Variants in LCLAT1 observed in about 807,000 individuals in gnomAD.
The protein encoded by LCLAT1 is 1-AGP acyltransferase 8.
In LCLAT1, 11 loss-of-function variants were observed where a neutral mutation model predicts 30.7. That is an observed-to-expected ratio of 0.36 (90% confidence interval 0.23 to 0.59). The LOEUF (loss-of-function observed/expected upper bound fraction) is 0.59, where lower values mean the gene tolerates loss of function less well. LCLAT1 is among the 20% of genes least tolerant of loss of function. The pLI is 0.77. For missense variants in LCLAT1, 402 were observed against 458.6 expected, an observed-to-expected ratio of 0.88 and a Z score of 1.13; for synonymous variants, 155 against 151.3, an observed-to-expected ratio of 1.02 and a Z score of -0.18.
intron 3 of LCLAT1, among the ~76,000 whole-genome samples, chr2:30,536,539 A>G (rs531180453): frequency 2.6e-5 from 4 of 152,380 alleles, no homozygotes; most frequent in South Asian, 2.1e-4. Context: ...TGGCAATGCT[A>G]TTCTTTAGAA....
chr2:30,578,748 C>A (rs1415600798), intron 5 of LCLAT1, among the ~76,000 whole-genome samples: 1 of 152,146 alleles, frequency 6.6e-6, no homozygotes, highest in African/African-American at 2.4e-5. Context: ...GAACTTCATA[C>A]TGTTCCTTAT....
At chr2:30,487,371 C>T (rs940703511) in intron 1 of LCLAT1, among the ~76,000 whole-genome samples, 2 of 152,092 alleles carry the variant, frequency 1.3e-5, no homozygotes, top group Non-Finnish European at 2.9e-5. Context: ...ATAGAAAATC[C>T]GTAATTTAAT....
intron 1 of LCLAT1, among the ~76,000 whole-genome samples, chr2:30,460,061 T>C (rs887889973): frequency 6.6e-6 from 1 of 152,232 alleles, no homozygotes; most frequent in African/African-American, 2.4e-5. Context: ...TTGGAGGTTA[T>C]CCCTTACACT....
At chr2:30,511,154 G>A (rs962999053) in intron 1 of LCLAT1, among the ~76,000 whole-genome samples, 2 of 152,118 alleles carry the variant, frequency 1.3e-5, no homozygotes, top group African/African-American at 4.8e-5. Flanking sequence ...ACGTAGGTGA[G>A]GCTTGTGAAC....
chr2:30,467,425 T>A (rs1230845442), intron 1 of LCLAT1, among the ~76,000 whole-genome samples: 1 of 152,266 alleles, frequency 6.6e-6, no homozygotes, highest in East Asian at 1.9e-4. Context: ...TATAGCAGCA[T>A]GATTTATAAT....
intron 3 of LCLAT1, among the ~76,000 whole-genome samples, chr2:30,535,176 A>G (rs1036029548): frequency 7.2e-5 from 11 of 152,184 alleles, no homozygotes; most frequent in Non-Finnish European, 1.2e-4. Context: ...AAAAAAAGTT[A>G]TGAAATCAAG....
At chr2:30,559,859 G>A (rs1665109212) in intron 3 of LCLAT1, among the ~76,000 whole-genome samples, 1 of 152,190 alleles carries the variant, frequency 6.6e-6, no homozygotes, top group Non-Finnish European at 1.5e-5. Context: ...AATCCTTGAT[G>A]TAATATTCTT....
intron 1 of LCLAT1, among the ~76,000 whole-genome samples, chr2:30,470,468 T>C (rs1682720235): frequency 6.6e-6 from 1 of 152,230 alleles, no homozygotes. Context: ...GGGTTAGTTT[T>C]GGGAAAGGAC....
intron 1 of LCLAT1, among the ~76,000 whole-genome samples, chr2:30,454,437 G>GT (rs1349623155): frequency 6.6e-6 from 1 of 151,824 alleles, no homozygotes; most frequent in South Asian, 2.1e-4. Flanking sequence ...TTAAACTTAG[G>GT]TTTTTTTATT....
At chr2:30,471,419 A>G (rs1682783019) in intron 1 of LCLAT1, among the ~76,000 whole-genome samples, 1 of 151,634 alleles carries the variant, frequency 6.6e-6, no homozygotes, top group Non-Finnish European at 1.5e-5. Context: ...CATGTTGCCC[A>G]GGCTGGTCTT....
At chr2:30,488,324 C>A (rs1683659604) in intron 1 of LCLAT1, among the ~76,000 whole-genome samples, 1 of 152,210 alleles carries the variant, frequency 6.6e-6, no homozygotes, top group South Asian at 2.1e-4. Context: ...TGTGTGCAAT[C>A]TTCATAGCTT....
At chr2:30,574,976 A>T (rs1305647258) in intron 5 of LCLAT1, among the ~76,000 whole-genome samples, 1 of 152,128 alleles carries the variant, frequency 6.6e-6, no homozygotes, top group Non-Finnish European at 1.5e-5. Context: ...TAAGTGGACC[A>T]TTGTTGAAAG....
In LCLAT1 at chr2:30,553,821, C is replaced by CAA. The variant is rs1177401024; in HGVS notation, c.365-8314_365-8313dup. ...TGGGCGACAGAGCGAGACTCCGTCT[C>CAA]AAAAAAAAAAAAGACAAATTATATA... is the stretch of plus-strand genomic sequence containing the variant. On this transcript the variant is annotated intron_variant, in intron 3 of 5. Transcript: ENST00000379509. 2.3e-5 allele frequency among the ~76,000 whole-genome samples: 3 copies of CAA among 129,306 alleles called. No homozygotes were observed. In the South Asian group the frequency reaches 7.2e-4, roughly 31 times the overall value. 84.8% of individuals were successfully genotyped at this position (129,306 alleles called of 152,430 possible). A position where few individuals can be genotyped will look rare whatever the true frequency, so the allele number is the denominator to read the frequency against.
chr2:30,464,144 T>C (rs1454590090), intron 1 of LCLAT1, among the ~76,000 whole-genome samples: 6 of 152,206 alleles, frequency 3.9e-5, no homozygotes, highest in African/African-American at 1.4e-4. Flanking sequence ...TTGTCAAATA[T>C]GAAAAAGTAA....
intron 5 of LCLAT1, among the ~76,000 whole-genome samples, chr2:30,630,434 G>A (rs2602767): frequency 0.86 from 131,383 of 152,216 alleles, 56,934 homozygotes; most frequent in East Asian, 0.94. Context: ...ATATATACCT[G>A]AAGGAAATCA....
At chr2:30,519,747 C>T (rs901950700) in intron 1 of LCLAT1, among the ~76,000 whole-genome samples, 11 of 152,194 alleles carry the variant, frequency 7.2e-5, no homozygotes, top group African/African-American at 1.9e-4. Flanking sequence ...CCCAGGCATT[C>T]GAACCAGCAG....
chr2:30,490,309 T>C (rs968268719), intron 1 of LCLAT1, among the ~76,000 whole-genome samples: 10 of 151,946 alleles, frequency 6.6e-5, no homozygotes, highest in Non-Finnish European at 1.3e-4. Flanking sequence ...TTCAAGTGAT[T>C]GTCCTGCCTC....
chr2:30,455,372 A>G (rs1330696148), intron 1 of LCLAT1, among the ~76,000 whole-genome samples: 1 of 152,186 alleles, frequency 6.6e-6, no homozygotes, highest in Non-Finnish European at 1.5e-5. Context: ...ACTTAAAATG[A>G]CAGGCATTTA....
intron 3 of LCLAT1, among the ~76,000 whole-genome samples, chr2:30,555,658 T>C (rs1307315612): frequency 6.6e-6 from 1 of 152,066 alleles, no homozygotes; most frequent in African/African-American, 2.4e-5. Context: ...GAGGGCATGC[T>C]TTTTTGTTTG....
Sources: gnomAD v4.1 joint callset for allele counts (sites outside exome capture counted in the v4.1 genomes callset) on GRCh38, gnomAD v4.1.1 for gene constraint, MANE v1.5 for transcripts, NCBI Gene and HGNC (gene_info 2026-07-23, HGNC 2026-07-21) for gene names.